Variants in PRDM5 observed in about 807,000 individuals in gnomAD.
The protein encoded by PRDM5 is PR/SET domain 5, also known as PR domain zinc finger protein 5.
PRDM5 carries 56 observed loss-of-function variants against 81.2 expected under a neutral mutation model. That is an observed-to-expected ratio of 0.69 (90% CI 0.56 to 0.86). PRDM5 has a LOEUF of 0.86. Among genes scored for constraint, PRDM5 ranks in the 40% least tolerant of loss-of-function variants. The pLI, the probability that PRDM5 is intolerant of heterozygous loss-of-function variation, is 0.00. For synonymous variants in PRDM5, 267 were observed against 256.4 expected, an observed-to-expected ratio of 1.04 and a Z score of -0.39; for missense variants, 697 against 770.1, an observed-to-expected ratio of 0.91 and a Z score of 1.12.
At chr4:120,922,295 C>A (rs889305961) in intron 1 of PRDM5, among the ~76,000 whole-genome samples, 3 of 152,098 alleles carry the variant, frequency 2.0e-5, no homozygotes, top group East Asian at 3.9e-4. Context: ...GCGCACCCCG[C>A]CGCCACCTAC....
In PRDM5 at chr4:120,813,726, C is replaced by A. The variant is rs10049892; in HGVS notation, c.866-2277G>T. Reference sequence around the variant, plus strand: ...TCCTAAACATATCATACCTGAGGCACCATTCAGAAAGAATATTCCCTCTTT... The same window carrying A: ...TCCTAAACATATCATACCTGAGGCAACATTCAGAAAGAATATTCCCTCTTT... On this transcript the variant is annotated intron_variant, in intron 7 of 15. Coordinates refer to ENST00000264808, the MANE Select transcript of PRDM5 (RefSeq NM_018699.4). 8.4e-3 allele frequency among the ~76,000 whole-genome samples: 1,279 copies of A among 152,276 alleles called. 22 individuals carry two copies. Among genetic ancestry groups the A allele is most frequent in the African/African-American group, 0.029 (1,223 of 41,550 alleles).
chr4:120,771,516 C>T (rs1747294277), intron 13 of PRDM5, among the ~76,000 whole-genome samples: 1 of 152,044 alleles, frequency 6.6e-6, no homozygotes, highest in Admixed American at 6.6e-5. Context: ...AGAAACATAG[C>T]CATCTAAAAT....
chr4:120,844,018 G>A (rs1440934556), intron 3 of PRDM5, among the ~76,000 whole-genome samples: 2 of 152,218 alleles, frequency 1.3e-5, no homozygotes, highest in East Asian at 3.9e-4. Flanking sequence ...TAAACACAGA[G>A]GAGCTCAGTA....
At chr4:120,741,517 G>A (rs541180902) in intron 14 of PRDM5, among the ~76,000 whole-genome samples, 5 of 151,736 alleles carry the variant, frequency 3.3e-5, no homozygotes, top group South Asian at 2.1e-4. Context: ...CTGAGGTACC[G>A]GGTTCATCTC....
At chr4:120,891,424 T>C (rs1764030199) in intron 2 of PRDM5, among the ~76,000 whole-genome samples, 1 of 152,198 alleles carries the variant, frequency 6.6e-6, no homozygotes, top group South Asian at 2.1e-4. Flanking sequence ...CTTCTCCTTT[T>C]TTCCTTATTA....
At chr4:120,711,020 T>C (rs191074063) in intron 14 of PRDM5, among the ~76,000 whole-genome samples, 1 of 152,298 alleles carries the variant, frequency 6.6e-6, no homozygotes, top group Admixed American at 6.5e-5. Flanking sequence ...TGTGCTACAT[T>C]TCCTCCAATG....
intron 2 of PRDM5, among the ~76,000 whole-genome samples, chr4:120,896,812 T>C (rs745524721): frequency 6.6e-6 from 1 of 151,608 alleles, no homozygotes; most frequent in Admixed American, 6.6e-5. Flanking sequence ...GCCTCCCGAG[T>C]AGCTGGGACT....
At position 120,922,635 on chromosome 4, in the gene PRDM5, C is replaced by T. The variant is rs1579260106; in HGVS notation, c.-27G>A. Reference sequence around the variant, plus strand: ...TTCCCGGGCGCGGCGGCCGCCGCCTCTCTCAACACCGGCGCTTAGCGCCCG... The same window carrying T: ...TTCCCGGGCGCGGCGGCCGCCGCCTTTCTCAACACCGGCGCTTAGCGCCCG... On this transcript the variant is annotated 5_prime_UTR_variant, in exon 1 of 16. Transcript: ENST00000264808. 5 of 1,583,678 alleles carry T rather than the reference C, an allele frequency of 3.2e-6. No homozygotes were observed. The highest frequency in any genetic ancestry group is 2.3e-5 in the East Asian group (1 of 43,506).
chr4:120,777,931 G>A (rs879577652), intron 12 of PRDM5, among the ~76,000 whole-genome samples: 2 of 152,082 alleles, frequency 1.3e-5, no homozygotes, highest in Admixed American at 6.6e-5. Context: ...AGAGTTCAAA[G>A]AGAAAGGAGT....
intron 8 of PRDM5, among the ~76,000 whole-genome samples, chr4:120,800,439 C>T: frequency 6.6e-6 from 1 of 151,766 alleles, no homozygotes; most frequent in East Asian, 1.9e-4. Flanking sequence ...ATTGTTTGAA[C>T]CTGGGAAGTC....
chr4:120,725,727 T>A (rs547622031), intron 14 of PRDM5, among the ~76,000 whole-genome samples: 1 of 152,240 alleles, frequency 6.6e-6, no homozygotes, highest in East Asian at 1.9e-4. Flanking sequence ...TCCGTTTCTA[T>A]ATTAAACAGC....
chr4:120,821,455 C>T, intron 3 of PRDM5, 110 bp from the exon 4 acceptor site: 1 of 1,082,760 alleles, frequency 9.2e-7, no homozygotes, highest in Non-Finnish European at 1.3e-6. Context: ...AAAGTTATTA[C>T]TTTTTTTTAT....
chr4:120,748,819 G>A (rs1203450242), intron 14 of PRDM5, among the ~76,000 whole-genome samples: 1 of 152,052 alleles, frequency 6.6e-6, no homozygotes, highest in Non-Finnish European at 1.5e-5. Context: ...GCTTGCCTGA[G>A]GCCGCCAGGG....
At chr4:120,762,179 T>C (rs1360144066) in intron 13 of PRDM5, among the ~76,000 whole-genome samples, 1 of 152,166 alleles carries the variant, frequency 6.6e-6, no homozygotes, top group Non-Finnish European at 1.5e-5. Flanking sequence ...TGAAAAGATG[T>C]ACACACAGAA....
At chr4:120,870,945 C>T (rs750239092) in intron 2 of PRDM5, among the ~76,000 whole-genome samples, 9 of 152,140 alleles carry the variant, frequency 5.9e-5, no homozygotes, top group Non-Finnish European at 1.0e-4. Context: ...TTTTGTCTAC[C>T]TTCTCCTACT....
chr4:120,801,192 G>A (rs933555047), intron 8 of PRDM5, among the ~76,000 whole-genome samples: 1 of 152,212 alleles, frequency 6.6e-6, no homozygotes, highest in Admixed American at 6.5e-5. Flanking sequence ...ACGCCCTTGT[G>A]CAAGAAGCCA....
At chr4:120,793,125 C>G (rs1234986127) in intron 10 of PRDM5, among the ~76,000 whole-genome samples, 1 of 152,078 alleles carries the variant, frequency 6.6e-6, no homozygotes, top group Admixed American at 6.5e-5. Flanking sequence ...GTGAGTGAAG[C>G]TTCATCTGTA....
At chr4:120,865,862 C>T (rs1761148561) in intron 2 of PRDM5, among the ~76,000 whole-genome samples, 1 of 152,102 alleles carries the variant, frequency 6.6e-6, no homozygotes, top group Non-Finnish European at 1.5e-5. Context: ...TCCACCAGGA[C>T]TTCTCCAGCC....
At chr4:120,727,764 C>T (rs980444904) in intron 14 of PRDM5, among the ~76,000 whole-genome samples, 3 of 151,802 alleles carry the variant, frequency 2.0e-5, no homozygotes, top group African/African-American at 7.3e-5. Flanking sequence ...GGTGAAACCC[C>T]GACTGTACTA....
Sources: gnomAD v4.1 joint callset for allele counts (sites outside exome capture counted in the v4.1 genomes callset) on GRCh38, gnomAD v4.1.1 for gene constraint, MANE v1.5 for transcripts, NCBI Gene and HGNC (gene_info 2026-07-23, HGNC 2026-07-21) for gene names.